The following TNFRSF10D variants were observed in gnomAD, a reference collection of about 807,000 sequenced individuals.
The protein encoded by TNFRSF10D is TNF receptor superfamily member 10d.
In TNFRSF10D, 28 loss-of-function variants were observed where a neutral mutation model predicts 42.1. The observed-to-expected ratio is 0.66, with a 90% CI of 0.49 to 0.91. TNFRSF10D has a LOEUF of 0.91. Ranked by LOEUF, TNFRSF10D falls within the 40% of genes least tolerant of loss-of-function variation. The probability of loss-of-function intolerance (pLI) is 0.00; values close to 1 mark genes in which losing one functional copy is unlikely to be tolerated. For synonymous variants in TNFRSF10D, 186 were observed against 189.4 expected (o/e 0.98, Z 0.15); for missense variants, 503 against 486.1 (o/e 1.03, Z -0.33).
At chr8:23,158,253 C>T (rs1436371238) in intron 1 of TNFRSF10D, among the ~76,000 whole-genome samples, 1 of 152,190 alleles carries the variant, frequency 6.6e-6, no homozygotes, top group African/African-American at 2.4e-5. Flanking sequence ...TCTTTCTTCT[C>T]AGGAGGCGAA....
At position 23,137,595 on chromosome 8, in the gene TNFRSF10D, G is replaced by A. The variant is rs908419987; in HGVS notation, c.*275C>T. The A allele has an allele frequency of 4.2e-5, 12 of 282,854 alleles. No homozygotes were observed. The highest frequency in any genetic ancestry group is 3.3e-4 in the Admixed American group (7 of 20,970). 17.5% of individuals were successfully genotyped at this position (282,854 alleles called of 1,614,324 possible). A position where few individuals can be genotyped will look rare whatever the true frequency, so the allele number is the denominator to read the frequency against. The stretch of plus-strand genomic sequence containing the variant: ...GCTGGGATTACAGGCATGAGCCACC[G>A]CATGTGGCCTAAAACGACCCTTAAT... On this transcript the variant is annotated 3_prime_UTR_variant, in exon 9 of 9. Coordinates refer to ENST00000312584, the MANE Select transcript of TNFRSF10D (RefSeq NM_003840.5).
At chr8:23,163,162 C>T (rs1190893502) in intron 1 of TNFRSF10D, among the ~76,000 whole-genome samples, 1 of 135,752 alleles carries the variant, frequency 7.4e-6, no homozygotes, top group African/African-American at 2.8e-5. Context: ...TGCGATGGCG[C>T]GATCTCGGCT....
intron 1 of TNFRSF10D, among the ~76,000 whole-genome samples, chr8:23,155,272 G>A (rs1434796500): frequency 1.4e-5 from 2 of 146,294 alleles, no homozygotes; most frequent in African/African-American, 2.5e-5. Flanking sequence ...GTCTTGCTAT[G>A]TTGCCCAGGC....
intron 2 of TNFRSF10D, among the ~76,000 whole-genome samples, chr8:23,153,792 C>T (rs981580868): frequency 6.6e-6 from 1 of 152,124 alleles, no homozygotes; most frequent in African/African-American, 2.4e-5. Context: ...TTAGTACATC[C>T]ATTATGGAAA....
intron 4 of TNFRSF10D, 103 bp downstream of exon 4, chr8:23,146,858 G>A (rs537251879): frequency 9.9e-7 from 1 of 1,013,384 alleles, no homozygotes; most frequent in Admixed American, 1.9e-5. Context: ...GGAGGCCTCG[G>A]GCCTGGAGGA....
chr8:23,136,960 C>T lies in TNFRSF10D; in HGVS notation c.*910G>A, dbSNP rs1282445658. 1 of 152,008 alleles carries T rather than the reference C, an allele frequency of 6.6e-6. No homozygotes were observed. The highest frequency in any genetic ancestry group is 2.4e-5 in the African/African-American group (1 of 41,370). The allele number at this position is 152,008 out of a possible 1,614,324, so 9.4% of individuals were successfully genotyped here. A position where few individuals can be genotyped will look rare whatever the true frequency, so the allele number is the denominator to read the frequency against. ...GCCTCCCACAGAGGGAGGATTTCTCCCTCCGTCACTAGTTATATTTTTAGT... is the reference window on the plus strand; with the variant it reads ...GCCTCCCACAGAGGGAGGATTTCTCTCTCCGTCACTAGTTATATTTTTAGT... On this transcript the variant is annotated 3_prime_UTR_variant, in exon 9 of 9. Transcript: ENST00000312584.
intron 3 of TNFRSF10D, among the ~76,000 whole-genome samples, chr8:23,148,194 A>G (rs925118525): frequency 4.6e-5 from 7 of 151,902 alleles, no homozygotes; most frequent in Non-Finnish European, 1.0e-4. Context: ...AGCCAAGATC[A>G]TGCCATTGCC....
chr8:23,149,832 T>C (rs114828390), intron 2 of TNFRSF10D, among the ~76,000 whole-genome samples: 845 of 152,024 alleles, frequency 5.6e-3, no homozygotes, highest in African/African-American at 0.017. Context: ...TCTGTCTCAC[T>C]CATCACTTAA....
At chr8:23,150,723 G>A (rs565175022) in intron 2 of TNFRSF10D, among the ~76,000 whole-genome samples, 1 of 152,250 alleles carries the variant, frequency 6.6e-6, no homozygotes, top group Admixed American at 6.5e-5. Context: ...AAAGAAGAAA[G>A]CAGAAATTCT....
chr8:23,160,311 C>T (rs1410635524), intron 1 of TNFRSF10D, among the ~76,000 whole-genome samples: 779 of 152,196 alleles, frequency 5.1e-3, no homozygotes, highest in African/African-American at 0.018. Flanking sequence ...CTCAGCTTAC[C>T]ACCTAAGGAC....
intron 1 of TNFRSF10D, among the ~76,000 whole-genome samples, chr8:23,155,910 T>A (rs750952443): frequency 2.0e-5 from 3 of 151,766 alleles, no homozygotes; most frequent in Non-Finnish European, 2.9e-5. Context: ...TTAAAGAAAG[T>A]CAGGATATAG....
chr8:23,153,841 A>G (rs563387152), intron 2 of TNFRSF10D, among the ~76,000 whole-genome samples: 2 of 152,316 alleles, frequency 1.3e-5, no homozygotes, highest in African/African-American at 4.8e-5. Context: ...ACATAGAATA[A>G]CTATATGATC....
chr8:23,140,346 A>G (rs1391685282), intron 7 of TNFRSF10D, among the ~76,000 whole-genome samples: 2 of 150,124 alleles, frequency 1.3e-5, no homozygotes, highest in Non-Finnish European at 3.0e-5. Context: ...GCTGAGGACC[A>G]AATCAATAAC....
intron 2 of TNFRSF10D, among the ~76,000 whole-genome samples, chr8:23,149,380 G>C (rs1415250897): frequency 6.6e-6 from 1 of 151,216 alleles, no homozygotes; most frequent in East Asian, 2.0e-4. Context: ...TGGGATTACA[G>C]GCACCCACCA....
chr8:23,163,016 G>C (rs934423400), intron 1 of TNFRSF10D, among the ~76,000 whole-genome samples: 3 of 151,552 alleles, frequency 2.0e-5, no homozygotes, highest in Non-Finnish European at 4.4e-5. Context: ...CTGCCTCCCG[G>C]GTTCAAGCAG....
At chr8:23,159,985 A>G (rs747502708) in intron 1 of TNFRSF10D, among the ~76,000 whole-genome samples, 27 of 151,850 alleles carry the variant, frequency 1.8e-4, no homozygotes, top group Non-Finnish European at 3.5e-4. Context: ...ATGACTCTCA[A>G]TGGTGACTCT....
intron 1 of TNFRSF10D, among the ~76,000 whole-genome samples, chr8:23,160,420 T>A (rs143640090): frequency 6.0e-3 from 909 of 152,058 alleles, no homozygotes; most frequent in African/African-American, 0.019. Flanking sequence ...AGGACAGAGA[T>A]CAGAGAAGCA....
chr8:23,141,233 G>T lies in TNFRSF10D; in HGVS notation c.955-2973C>A, dbSNP rs1814463185. ...AAGAAACTCTCCACAGGCCGGGTGT[G>T]GGGGCTCACACTTATAATACCAGCA... On this transcript the variant is annotated intron_variant, in intron 7 of 8. Transcript: ENST00000312584. Among the ~76,000 whole-genome samples the T allele has an allele frequency of 1.2e-4, 18 of 152,264 alleles. No homozygotes were observed. In the South Asian group the frequency reaches 3.7e-3, roughly 32 times the overall value.
At position 23,144,442 on chromosome 8, in the gene TNFRSF10D, C is replaced by T; in HGVS notation, c.954+8G>A. ...CGCCAGGCAGGGCACAGTCCCTCCT[C>T]AACTCACCAGCAGACGCTGTGGCTC... On this transcript the variant is annotated splice_region_variant and intron_variant, in intron 7 of 8. Transcript: ENST00000312584. 6.2e-7 allele frequency: 1 copy of T among 1,612,946 alleles called. No homozygotes were observed.
Sources: allele counts gnomAD v4.1 joint callset (sites outside exome capture counted in the v4.1 genomes callset), GRCh38; gene constraint gnomAD v4.1.1; transcripts MANE v1.5; gene names NCBI Gene and HGNC (gene_info 2026-07-23, HGNC 2026-07-21).